SPANXN4: variants seen among roughly 807,000 people sequenced by gnomAD.
The protein encoded by SPANXN4 is SPANX family member N4.
In SPANXN4, 5 loss-of-function variants were observed where a neutral mutation model predicts 6.0. That is an observed-to-expected ratio of 0.83 (90% CI 0.44 to 1.75). The LOEUF (loss-of-function observed/expected upper bound fraction) is 1.75, where lower values mean the gene tolerates loss of function less well. Among genes scored for constraint, SPANXN4 ranks in the 40% most tolerant of loss-of-function variants. SPANXN4 has a pLI of 0.02. For missense variants in SPANXN4, 157 were observed against 108.6 expected (o/e 1.45, Z -1.98); for synonymous variants, 45 against 38.0 (o/e 1.19, Z -0.68).
At chrX:143,032,163 G>A (rs1484674545) in intron 1 of SPANXN4, among the ~76,000 whole-genome samples, 1 of 111,800 alleles carries the variant, frequency 8.9e-6, no homozygotes, top group Non-Finnish European at 1.9e-5. Context: ...TCGTAAGATT[G>A]AGTGGCATAC....
At chrX:143,037,474 C>G, downstream of SPANXN4, among the ~76,000 whole-genome samples, 1 of 111,701 alleles carries the variant, frequency 9.0e-6, no homozygotes, top group Middle Eastern at 4.6e-3. Flanking sequence ...CAGTTTCTCA[C>G]TCCCCCAGCT....
chrX:143,028,434 G>A (rs759422641), intron 1 of SPANXN4, among the ~76,000 whole-genome samples: 1 of 110,929 alleles, frequency 9.0e-6, no homozygotes, highest in East Asian at 2.9e-4. Context: ...TAACCTCTAG[G>A]GAGTTTTTGT....
At chrX:143,036,697 G>C (rs1251977524), downstream of SPANXN4, among the ~76,000 whole-genome samples, 1 of 111,821 alleles carries the variant, frequency 8.9e-6, no homozygotes, top group African/African-American at 3.2e-5. Context: ...AAATACAAAA[G>C]GGAGAATCAT....
At chrX:143,033,148 G>A (rs1254909446) in intron 1 of SPANXN4, among the ~76,000 whole-genome samples, 5 of 111,828 alleles carry the variant, frequency 4.5e-5, no homozygotes, top group African/African-American at 1.6e-4. Flanking sequence ...AGCAATGGGG[G>A]TGATCCTTAC....
At chrX:143,032,559 TGAG>T (rs976043564) in intron 1 of SPANXN4, among the ~76,000 whole-genome samples, 14 of 109,314 alleles carry the variant, frequency 1.3e-4, no homozygotes, top group African/African-American at 4.4e-4. Context: ...GGTTTTTCAT[TGAG>T]GAGGAGGATT....
At chrX:143,030,652 T>G (rs1481858360) in intron 1 of SPANXN4, among the ~76,000 whole-genome samples, 5 of 110,885 alleles carry the variant, frequency 4.5e-5, no homozygotes, top group Non-Finnish European at 7.6e-5. Flanking sequence ...AAGGCATCTT[T>G]TAGATCCAAT....
chrX:143,034,801 C>T, downstream of SPANXN4: 1 of 995,665 alleles, frequency 1.0e-6, no homozygotes, highest in South Asian at 3.9e-5. Flanking sequence ...TACTAGGGCG[C>T]TTGTTAAGAA....
chrX:143,029,708 G>T (rs929242640), intron 1 of SPANXN4, among the ~76,000 whole-genome samples: 1 of 111,072 alleles, frequency 9.0e-6, no homozygotes, highest in African/African-American at 3.3e-5. Flanking sequence ...TATGAGTAAG[G>T]CATGTACCTG....
downstream of SPANXN4, among the ~76,000 whole-genome samples, chrX:143,038,517 A>G (rs1932854278): frequency 9.0e-6 from 1 of 111,647 alleles, no homozygotes; most frequent in East Asian, 2.8e-4. Flanking sequence ...CCTTCCTGGC[A>G]TTATTGTTTT....
At chrX:143,029,371 G>A (rs780117602) in intron 1 of SPANXN4, among the ~76,000 whole-genome samples, 1 of 111,500 alleles carries the variant, frequency 9.0e-6, no homozygotes, top group Non-Finnish European at 1.9e-5. Context: ...CTCTCTTTCC[G>A]TTTGCTAGGG....
chrX:143,026,844 G>A (rs1569428583), intron 1 of SPANXN4, among the ~76,000 whole-genome samples: 1 of 111,508 alleles, frequency 9.0e-6, no homozygotes, highest in Non-Finnish European at 1.9e-5. Flanking sequence ...AAGATTAGGG[G>A]ACCTAAGAAA....
At chrX:143,030,536 G>T (rs1188236647) in intron 1 of SPANXN4, among the ~76,000 whole-genome samples, 1 of 109,829 alleles carries the variant, frequency 9.1e-6, no homozygotes, top group African/African-American at 3.3e-5. Context: ...ACCCCTGTGG[G>T]AGTATGGTCC....
chrX:143,037,447 A>G (rs925448645), downstream of SPANXN4, among the ~76,000 whole-genome samples: 14 of 111,788 alleles, frequency 1.3e-4, no homozygotes, highest in African/African-American at 4.5e-4. Flanking sequence ...ATAAAAGACC[A>G]TAATAACGAA....
downstream of SPANXN4, chrX:143,034,748 C>T: frequency 5.6e-6 from 6 of 1,076,558 alleles, no homozygotes; most frequent in Admixed American, 3.7e-5. Flanking sequence ...AGACAGCATG[C>T]CACACACAAT....
chrX:143,026,270 T>C (rs895121236), intron 1 of SPANXN4, among the ~76,000 whole-genome samples, 178 bp downstream of exon 1: 5 of 111,391 alleles, frequency 4.5e-5, no homozygotes, highest in African/African-American at 1.6e-4. Flanking sequence ...GTGGGAGAGG[T>C]TTGGGCAGTA....
At chrX:143,027,843 C>T (rs954736563) in intron 1 of SPANXN4, among the ~76,000 whole-genome samples, 2 of 110,294 alleles carry the variant, frequency 1.8e-5, no homozygotes, top group African/African-American at 3.3e-5. Flanking sequence ...ACAAAAAGGG[C>T]AAAAGGAGAA....
rs1208757048 is a variant in SPANXN4, at chrX:143,026,212, A to C, written c.78+120A>C. ...CCTGCAGAAATGTGGGGCCAGCTTC[A>C]TGCCAGAGCCCACCGCTACATACAG... On this transcript the variant is annotated intron_variant, in intron 1 of 2. Coordinates refer to ENST00000370504, the Ensembl canonical transcript of SPANXN4. 6.8e-6 allele frequency: 4 copies of C among 592,359 alleles called. No homozygotes were observed. The African/African-American group carries it at 9.3e-5, about 14-fold the overall frequency. 48.8% of individuals were successfully genotyped at this position (592,359 alleles called of 1,213,427 possible).
At chrX:143,031,678 G>A (rs56048911) in intron 1 of SPANXN4, among the ~76,000 whole-genome samples, 4,427 of 111,412 alleles carry the variant, frequency 0.04, 238 homozygotes, top group African/African-American at 0.14. Context: ...GCCAGCATTT[G>A]GTATTTAGCC....
intron 2 of SPANXN4, chrX:143,034,304 G>A (rs1932831470): frequency 9.2e-7 from 1 of 1,082,667 alleles, no homozygotes; most frequent in Non-Finnish European, 1.2e-6. Flanking sequence ...ATCAGTTTGA[G>A]GAGCTGATGA....
Sources: allele counts gnomAD v4.1 joint callset (sites outside exome capture counted in the v4.1 genomes callset), GRCh38; gene constraint gnomAD v4.1.1; transcripts MANE v1.5; gene names NCBI Gene and HGNC (gene_info 2026-07-23, HGNC 2026-07-21).